FNTB: variants seen among roughly 807,000 people sequenced by gnomAD.
The protein encoded by FNTB is farnesyltransferase, CAAX box, subunit beta, also known as protein farnesyltransferase subunit beta.
A neutral mutation model predicts 59.4 loss-of-function variants in FNTB; 27 were observed. That is an observed-to-expected ratio of 0.45 (90% CI 0.34 to 0.63). The LOEUF is 0.63. Among genes scored for constraint, FNTB ranks in the 20% least tolerant of loss-of-function variants. The pLI is 0.02. For synonymous variants in FNTB, 230 were observed against 220.7 expected (o/e 1.04, Z -0.37); for missense variants, 449 against 559.6 (o/e 0.80, Z 1.99).
In FNTB at chr14:65,030,582, T is replaced by A. The variant is rs989127302; in HGVS notation, c.606-2028T>A. The stretch of plus-strand genomic sequence containing the variant: ...AGCAAGACCCTGTCTCTACAAAAAA[T>A]TTTTAAAAAATTAGCCAGGTGTGGT... On this transcript the variant is annotated intron_variant, in intron 6 of 11. Coordinates refer to ENST00000246166, the MANE Select transcript of FNTB (RefSeq NM_002028.4). The surrounding 1 kb of genome is among the most constrained non-coding windows in gnomAD (Gnocchi z 4.5). 5.3e-5 allele frequency among the ~76,000 whole-genome samples: 8 copies of A among 151,948 alleles called. No individual in the cohort carries two copies. In the East Asian group the frequency reaches 7.7e-4, roughly 15 times the overall value.
Position 64,994,154 on chromosome 14 carries a change from C to G in FNTB, c.144+7057C>G, listed in dbSNP as rs1236806585. Among the ~76,000 whole-genome samples the G allele has an allele frequency of 2.0e-5, 3 of 152,162 alleles. No homozygotes were observed. Among genetic ancestry groups the G allele is most frequent in the African/African-American group, 7.2e-5 (3 of 41,438 alleles). On this transcript the variant is annotated intron_variant, in intron 1 of 11. Transcript: ENST00000246166. This position sits in a 1 kb window ranked among gnomAD's most constrained non-coding sequence, Gnocchi z 4.2. ...ACAGGCGTGAGGTACCATGCCTGGCCTAGTGATTGGATTTCTATTGATTAA... is the reference window on the plus strand; with the variant it reads ...ACAGGCGTGAGGTACCATGCCTGGCGTAGTGATTGGATTTCTATTGATTAA...
chr14:65,048,778 C>T (rs1354944542), intron 9 of FNTB, among the ~76,000 whole-genome samples: 5 of 152,092 alleles, frequency 3.3e-5, no homozygotes, highest in Non-Finnish European at 7.4e-5. Context: ...TCACTTGAGT[C>T]TGGGAGGCAG....
In FNTB at chr14:65,027,483, C is replaced by T. The variant is rs1173655327; in HGVS notation, c.405C>T (p.Ser135=). The change falls in exon 5 of 12, where the codon AGC becomes AGT. Residue 135 remains serine (S), a synonymous_variant. Coordinates refer to ENST00000246166, the MANE Select transcript of FNTB (RefSeq NM_002028.4). This position sits in a 1 kb window ranked among gnomAD's most constrained non-coding sequence, Gnocchi z 5.7. ...DVCQFLELCQ[S]PEGGFGGGPG... ...GTCAGTTCCTGGAGCTGTGTCAGAG[C>T]CCAGAAGGTGGCTTTGGAGGAGGAC... 1 of 1,614,042 alleles carries T rather than the reference C, an allele frequency of 6.2e-7. No individual in the cohort carries two copies.
At chr14:65,021,618 C>G (rs1287860977) in intron 4 of FNTB, among the ~76,000 whole-genome samples, 3 of 152,098 alleles carry the variant, frequency 2.0e-5, no homozygotes, top group Non-Finnish European at 4.4e-5. Context: ...GCCCCAGTGT[C>G]AACAGTTGAG....
In FNTB at chr14:65,027,956, A is replaced by C. The variant is rs2062014123; in HGVS notation, c.605+175A>C. 6.6e-6 allele frequency among the ~76,000 whole-genome samples: 1 copy of C among 152,258 alleles called. No homozygotes were observed. Among genetic ancestry groups the C allele is most frequent in the Admixed American group, 6.5e-5 (1 of 15,286 alleles). ...ATTCAGATGTGATGCAGATGTCCTC[A>C]GGTGTCATGATCACTTGACTTATTT... On this transcript the variant is annotated intron_variant, in intron 6 of 11. Coordinates refer to ENST00000246166, the MANE Select transcript of FNTB (RefSeq NM_002028.4). The surrounding 1 kb of genome is among the most constrained non-coding windows in gnomAD (Gnocchi z 5.7).
rs1263459903 is a variant in FNTB, at chr14:65,044,175, G to A, written c.823-136G>A. ...GTGGGGAGGGAAGGAAAGAAAACCA[G>A]AGCACCAAAACTAGAGTGCCAAGAA... On this transcript the variant is annotated intron_variant, in intron 8 of 11. Transcript: ENST00000246166. The surrounding 1 kb of genome is among the most constrained non-coding windows in gnomAD (Gnocchi z 5.5). 3 of 1,478,656 alleles carry A rather than the reference G, an allele frequency of 2.0e-6. No individual in the cohort carries two copies. The highest frequency in any genetic ancestry group is 1.4e-5 in the African/African-American group (1 of 70,482). The allele number at this position is 1,478,656 out of a possible 1,614,324, so 91.6% of individuals were successfully genotyped here. A position where few individuals can be genotyped will look rare whatever the true frequency, so the allele number is the denominator to read the frequency against.
rs143624060 is a variant in FNTB at position 65,019,129 on chromosome 14, C to T, written c.374+3413C>T. Among the ~76,000 whole-genome samples, 973 of 152,034 alleles carry T rather than the reference C, an allele frequency of 6.4e-3. 16 individuals are homozygous for T. Among genetic ancestry groups the T allele is most frequent in the South Asian group, 0.044 (211 of 4,802 alleles). ...CGGAGGTTGCGGTGAGCCAAGATTG[C>T]ACCACTGCACTCCAGCCTGGGCAAC... On this transcript the variant is annotated intron_variant, in intron 4 of 11. Transcript: ENST00000246166.
chr14:65,058,201 TTTTC>T (rs34742241), intron 11 of FNTB, among the ~76,000 whole-genome samples: 16,975 of 151,490 alleles, frequency 0.11, 1,345 homozygotes, highest in African/African-American at 0.22. Flanking sequence ...ATAATTTTTC[TTTTC>T]TTTAATGTCT....
In FNTB at chr14:65,054,746, GCTT is replaced by G; in HGVS notation, c.1182+58_1182+60del. The stretch of plus-strand genomic sequence containing the variant: ...TCCACAGGGACCTCGCGGACAGAAG[GCTT>G]TCCAAGTAAGCAGAACTGGCTCTGC... On this transcript the variant is annotated intron_variant, in intron 11 of 11. Coordinates refer to ENST00000246166, the MANE Select transcript of FNTB (RefSeq NM_002028.4). This position sits in a 1 kb window ranked among gnomAD's most constrained non-coding sequence, Gnocchi z 4.4. The G allele has an allele frequency of 6.5e-7, 1 of 1,535,722 alleles. No individual in the cohort carries two copies. Among genetic ancestry groups the G allele is most frequent in the Non-Finnish European group, 8.8e-7 (1 of 1,131,482 alleles).
At chr14:65,048,777 T>G (rs1043898801) in intron 9 of FNTB, among the ~76,000 whole-genome samples, 10 of 150,652 alleles carry the variant, frequency 6.6e-5, no homozygotes, top group African/African-American at 2.2e-4. Context: ...ATCACTTGAG[T>G]CTGGGAGGCA....
At chr14:65,059,196 A>C (rs1005078312) in intron 11 of FNTB, among the ~76,000 whole-genome samples, 3 of 151,788 alleles carry the variant, frequency 2.0e-5, no homozygotes, top group African/African-American at 4.8e-5. Flanking sequence ...CTAATTTTTA[A>C]ATTTTTTGTA....
At chr14:65,037,752 ATTTATTTATTTATTTAT>A (rs2062242441) in intron 7 of FNTB, among the ~76,000 whole-genome samples, 2 of 103,958 alleles carry the variant, frequency 1.9e-5, no homozygotes, top group Admixed American at 9.9e-5. Flanking sequence ...TTATTTATTT[ATTTATTTATTTATTTAT>A]TTATTTATTT....
chr14:65,058,167 A>G (rs1019992141), intron 11 of FNTB, among the ~76,000 whole-genome samples: 4 of 151,234 alleles, frequency 2.6e-5, no homozygotes, highest in African/African-American at 9.7e-5. Context: ...CTTCTTTTCA[A>G]TATTTAGGCT....
In FNTB at chr14:65,030,768, C is replaced by T. The variant is rs548076237; in HGVS notation, c.606-1842C>T. Among the ~76,000 whole-genome samples the T allele has an allele frequency of 2.0e-3, 298 of 151,814 alleles. 2 individuals are homozygous for T. Among genetic ancestry groups the T allele is most frequent in the African/African-American group, 6.8e-3 (283 of 41,426 alleles). Reference sequence around the variant, plus strand: ...AAAAAAAAAGAAGATGGAAACTAGGCCCTTCTTTTATGTTTCTTAGGAGCC... The same window carrying T: ...AAAAAAAAAGAAGATGGAAACTAGGTCCTTCTTTTATGTTTCTTAGGAGCC... On this transcript the variant is annotated intron_variant, in intron 6 of 11. Transcript: ENST00000246166. The surrounding 1 kb of genome is among the most constrained non-coding windows in gnomAD (Gnocchi z 4.5).
chr14:65,013,054 T>C (rs2061708665), intron 3 of FNTB, among the ~76,000 whole-genome samples: 2 of 152,204 alleles, frequency 1.3e-5, no homozygotes, highest in African/African-American at 4.8e-5. Context: ...AGGGTGAATG[T>C]GAACAGGAAG....
At chr14:65,053,640 A>C (rs911124193) in intron 10 of FNTB, among the ~76,000 whole-genome samples, 1 of 152,148 alleles carries the variant, frequency 6.6e-6, no homozygotes, top group Non-Finnish European at 1.5e-5. Context: ...AAAAACAAAA[A>C]AAAACTGATC....
At position 65,054,140 on chromosome 14, in the gene FNTB, T is replaced by TCTCAA. The variant is rs2062675642; in HGVS notation, c.1068-431_1068-430insACTCA. On this transcript the variant is annotated intron_variant, in intron 10 of 11. Transcript: ENST00000246166. The surrounding 1 kb of genome is among the most constrained non-coding windows in gnomAD (Gnocchi z 4.4). ...TGTATTTTACTTTTTTGAGACAGGG[T>TCTCAA]CTCACTCTGTCACCCAGGCTGGAGT... Among the ~76,000 whole-genome samples the TCTCAA allele has an allele frequency of 6.6e-6, 1 of 151,834 alleles. No individual in the cohort carries two copies. The highest frequency in any genetic ancestry group is 1.5e-5 in the Non-Finnish European group (1 of 67,982).
At chr14:65,017,088 A>C (rs146186842) in intron 4 of FNTB, among the ~76,000 whole-genome samples, 4 of 151,934 alleles carry the variant, frequency 2.6e-5, no homozygotes, top group African/African-American at 9.7e-5. Flanking sequence ...GTGCCTGGCT[A>C]ATTTTTGTAT....
At chr14:65,016,445 G>C (rs948363603) in intron 4 of FNTB, 1 of 152,264 alleles carries the variant, frequency 6.6e-6, no homozygotes, top group Non-Finnish European at 1.5e-5. Context: ...GGCAGCATGG[G>C]CTCTAGGCAG....
Sources: allele counts gnomAD v4.1 joint callset (sites outside exome capture counted in the v4.1 genomes callset), GRCh38; gene constraint gnomAD v4.1.1; non-coding constraint Gnocchi (gnomAD v3.1); transcripts MANE v1.5; gene names NCBI Gene and HGNC (gene_info 2026-07-23, HGNC 2026-07-21).